The following TJP1 variants were observed in gnomAD, a reference collection of about 807,000 sequenced individuals.
TJP1 encodes the protein tight junction protein ZO-1.
In TJP1, 43 loss-of-function variants were observed where a neutral mutation model predicts 194.2. That is an observed-to-expected ratio of 0.22 (90% CI 0.17 to 0.29). The LOEUF is 0.29. TJP1 is among the 10% of genes least tolerant of loss of function. The probability of loss-of-function intolerance (pLI) is 1.00; values close to 1 mark genes in which losing one functional copy is unlikely to be tolerated. For missense variants in TJP1, 1,971 were observed against 2,185.7 expected (o/e 0.90, Z 1.96); for synonymous variants, 801 against 779.0 (o/e 1.03, Z -0.47).
At chr15:29,796,209 G>C (rs1444672873) in intron 2 of TJP1, among the ~76,000 whole-genome samples, 1 of 151,506 alleles carries the variant, frequency 6.6e-6, no homozygotes, top group Non-Finnish European at 1.5e-5. Flanking sequence ...AAGAAATAAA[G>C]AGCATTCAAA....
intron 11 of TJP1, among the ~76,000 whole-genome samples, chr15:29,736,123 C>T (rs764106713): frequency 5.3e-5 from 8 of 152,048 alleles, no homozygotes; most frequent in Non-Finnish European, 1.0e-4. Flanking sequence ...CAAAACGCTG[C>T]TAAAAAATAA....
intron 7 of TJP1, 142 bp from the exon 8 acceptor site, chr15:29,761,428 A>C (rs763180520): frequency 2.3e-4 from 290 of 1,285,790 alleles, no homozygotes; most frequent in Non-Finnish European, 2.9e-4. Flanking sequence ...ACCTGCCAGC[A>C]ATCATATCAA....
At chr15:29,796,452 T>A (rs1365547723) in intron 2 of TJP1, among the ~76,000 whole-genome samples, 1 of 151,248 alleles carries the variant, frequency 6.6e-6, no homozygotes, top group East Asian at 1.9e-4. Context: ...CATGAGATAT[T>A]TAACTATAAA....
intron 18 of TJP1, among the ~76,000 whole-genome samples, chr15:29,721,502 T>C (rs754005889): frequency 2.0e-5 from 3 of 152,170 alleles, no homozygotes; most frequent in Non-Finnish European, 2.9e-5. Context: ...TGTGAGCCAA[T>C]GAAACCTTTT....
chr15:29,873,577 T>A (rs1219360367), intron 2 of TJP1, among the ~76,000 whole-genome samples: 2 of 152,246 alleles, frequency 1.3e-5, no homozygotes, highest in Admixed American at 6.5e-5. Context: ...TCTTTTATGA[T>A]CAAGACAATT....
chr15:29,943,030 C>T (rs2055136956), intron 2 of TJP1, among the ~76,000 whole-genome samples: 1 of 152,176 alleles, frequency 6.6e-6, no homozygotes, highest in Admixed American at 6.5e-5. Context: ...TGATGGAGCG[C>T]ACTTTCTCCT....
intron 18 of TJP1, among the ~76,000 whole-genome samples, chr15:29,721,440 G>C (rs1469830569): frequency 6.6e-6 from 1 of 152,088 alleles, no homozygotes; most frequent in African/African-American, 2.4e-5. Context: ...CGCCACGATT[G>C]TAAGTTGCCT....
At chr15:29,843,392 T>C (rs1160438745) in intron 2 of TJP1, among the ~76,000 whole-genome samples, 1 of 152,140 alleles carries the variant, frequency 6.6e-6, no homozygotes, top group East Asian at 1.9e-4. Context: ...TTTCTCTATG[T>C]TGGTCAGGCT....
intron 2 of TJP1, among the ~76,000 whole-genome samples, chr15:29,937,722 A>T (rs893852187): frequency 6.6e-6 from 1 of 152,240 alleles, no homozygotes; most frequent in Non-Finnish European, 1.5e-5. Context: ...GAAGGGCAGC[A>T]GCGCGACCCT....
chr15:29,934,277 A>G (rs1371367102), intron 2 of TJP1, among the ~76,000 whole-genome samples: 1 of 152,218 alleles, frequency 6.6e-6, no homozygotes, highest in East Asian at 1.9e-4. Flanking sequence ...GGTTCATGCT[A>G]CCTGTACTGA....
At chr15:29,850,047 G>A (rs889211994) in intron 2 of TJP1, among the ~76,000 whole-genome samples, 1 of 152,148 alleles carries the variant, frequency 6.6e-6, no homozygotes, top group African/African-American at 2.4e-5. Context: ...TGGTCTATGT[G>A]GGGAAGAACT....
chr15:29,771,986 G>T (rs1217440671), intron 4 of TJP1, 78 bp downstream of exon 4: 6 of 893,286 alleles, frequency 6.7e-6, no homozygotes, highest in African/African-American at 1.7e-5. Flanking sequence ...TAAATGGGAA[G>T]GATAAATTCA....
At chr15:29,899,207 C>A (rs1182718771) in intron 2 of TJP1, among the ~76,000 whole-genome samples, 1 of 152,180 alleles carries the variant, frequency 6.6e-6, no homozygotes, top group Non-Finnish European at 1.5e-5. Context: ...AGCCATGATC[C>A]TCCCAACTGT....
At position 29,720,378 on chromosome 15, in the gene TJP1, A is replaced by C. The variant is rs767641272; in HGVS notation, c.2743T>G (p.Phe915Val). Reference sequence around the variant, plus strand: ...CTTACCTGTTGAGAGGCTGGCTTAAATCCAGGGGAGTCTATTCTATGAATT... The same window carrying C: ...CTTACCTGTTGAGAGGCTGGCTTAACTCCAGGGGAGTCTATTCTATGAATT... The part of the protein sequence containing the change: ...QPIHRIDSPG[F>V]KPASQQKAEA... Residue 915 changes from phenylalanine to valine, a missense_variant, in exon 19 of 28, where the codon TTT (phenylalanine) becomes GTT (valine). By Grantham distance (50) the Phe-to-Val change is conservative. Around this residue, in one of 5 missense-constraint regions of TJP1, gnomAD observed 1,108 missense variants for 1,128.5 expected, o/e 0.98. Transcript: ENST00000614355. 1.9e-6 allele frequency: 3 copies of C among 1,598,192 alleles called. No individual in the cohort carries two copies. Among genetic ancestry groups the C allele is most frequent in the Non-Finnish European group, 2.6e-6 (3 of 1,171,866 alleles).
intron 2 of TJP1, among the ~76,000 whole-genome samples, chr15:29,788,078 T>G (rs1248643002): frequency 1.3e-5 from 2 of 152,226 alleles, no homozygotes; most frequent in Non-Finnish European, 2.9e-5. Context: ...ACTGAACATC[T>G]TTTCATGCAT....
At chr15:29,800,922 G>A (rs569194295) in intron 1 of TJP1, among the ~76,000 whole-genome samples, 39 of 152,248 alleles carry the variant, frequency 2.6e-4, no homozygotes, top group South Asian at 1.5e-3. Flanking sequence ...AACTTAATTT[G>A]GACAGCTGCT....
intron 2 of TJP1, among the ~76,000 whole-genome samples, chr15:29,794,021 T>G (rs2048256731): frequency 6.6e-6 from 1 of 152,238 alleles, no homozygotes; most frequent in African/African-American, 2.4e-5. Flanking sequence ...AAGTATTCTC[T>G]TCTTAGCTTT....
At chr15:29,893,641 A>T (rs1464780906) in intron 2 of TJP1, among the ~76,000 whole-genome samples, 1 of 152,230 alleles carries the variant, frequency 6.6e-6, no homozygotes, top group African/African-American at 2.4e-5. Flanking sequence ...CTAAAGGTTC[A>T]GATAATCACT....
chr15:29,803,271 C>T (rs2048904227), intron 1 of TJP1, among the ~76,000 whole-genome samples: 1 of 152,156 alleles, frequency 6.6e-6, no homozygotes, highest in African/African-American at 2.4e-5. Flanking sequence ...CAGACAGTCC[C>T]TGACTTAGGA....
Sources: allele counts gnomAD v4.1 joint callset (sites outside exome capture counted in the v4.1 genomes callset), GRCh38; gene constraint gnomAD v4.1.1; regional missense constraint gnomAD v4.1.1; transcripts MANE v1.5; gene names NCBI Gene and HGNC (gene_info 2026-07-23, HGNC 2026-07-21).